NLGN4X: variants seen among roughly 807,000 people sequenced by gnomAD.
NLGN4X encodes the protein neuroligin-4, X-linked.
A neutral mutation model predicts 40.3 loss-of-function variants in NLGN4X; 3 were observed. That is an observed-to-expected ratio of 0.07 (90% CI 0.03 to 0.19). NLGN4X has a LOEUF of 0.19. Among genes scored for constraint, NLGN4X ranks in the 10% least tolerant of loss-of-function variants. NLGN4X has a pLI of 1.00. For synonymous variants in NLGN4X, 270 were observed against 306.8 expected, an observed-to-expected ratio of 0.88 and a Z score of 1.25; for missense variants, 382 against 708.3, an observed-to-expected ratio of 0.54 and a Z score of 5.23.
At position 6,095,167 on chromosome X, in the gene NLGN4X, C is replaced by T. The variant is rs146318234; in HGVS notation, c.472+55828G>A. Among the ~76,000 whole-genome samples the T allele has an allele frequency of 2.8e-4, 29 of 103,582 alleles. No individual in the cohort carries two copies. The East Asian group carries it at 7.6e-3, about 27-fold the overall frequency. The allele number at this position is 103,582 out of a possible 115,157, so 89.9% of individuals were successfully genotyped here. A position where few individuals can be genotyped will look rare whatever the true frequency, so the allele number is the denominator to read the frequency against. ...TGTGTGTGTAATTATGGCAATGTTG[C>T]TAAGTGCATAAATATGCGCTCTGAA... is the stretch of plus-strand genomic sequence containing the variant. On this transcript the variant is annotated intron_variant, in intron 2 of 5. Transcript: ENST00000381095.
chrX:6,110,938 T>C lies in NLGN4X; in HGVS notation c.472+40057A>G, dbSNP rs145730954. On this transcript the variant is annotated intron_variant, in intron 2 of 5. Transcript: ENST00000381095. ...GCATTAGAAGTGACAGGTGCGTTAC[T>C]GAAAGCTGAAGCCCTTAGAGGTGGT... 5.1e-3 allele frequency among the ~76,000 whole-genome samples: 567 copies of C among 111,601 alleles called. 7 individuals carry two copies. Among genetic ancestry groups the C allele is most frequent in the African/African-American group, 0.018 (543 of 30,689 alleles).
At position 6,032,837 on chromosome X, in the gene NLGN4X, G is replaced by A. The variant is rs972709083; in HGVS notation, c.473-3405C>T. On this transcript the variant is annotated intron_variant, in intron 2 of 5. Transcript: ENST00000381095. ...CAAAAAATTCAGAAAAGAGAGAGAT[G>A]CTACCCAGAAAAAGAAAAAAAGAAA... 3.3e-5 allele frequency: 17 copies of A among 519,131 alleles called. No individual in the cohort carries two copies. The Middle Eastern group carries it at 1.2e-3, about 36-fold the overall frequency. 42.8% of individuals were successfully genotyped at this position (519,131 alleles called of 1,213,427 possible). A position where few individuals can be genotyped will look rare whatever the true frequency, so the allele number is the denominator to read the frequency against.
At chrX:6,016,898 T>C (rs746783877) in intron 3 of NLGN4X, among the ~76,000 whole-genome samples, 1 of 112,160 alleles carries the variant, frequency 8.9e-6, no homozygotes, top group South Asian at 3.7e-4. Flanking sequence ...TTAATTTACA[T>C]GAAATGCCCC....
intron 1 of NLGN4X, among the ~76,000 whole-genome samples, chrX:6,169,793 G>A (rs1283196475): frequency 8.9e-6 from 1 of 111,773 alleles, no homozygotes; most frequent in African/African-American, 3.3e-5. Context: ...TTCCACACAC[G>A]AGAACATTCT....
At chrX:6,023,052 A>G (rs1256831223) in intron 3 of NLGN4X, among the ~76,000 whole-genome samples, 1 of 111,863 alleles carries the variant, frequency 8.9e-6, no homozygotes, top group Non-Finnish European at 1.9e-5. Flanking sequence ...CCTCAGATGA[A>G]AATTTTCAGG....
rs3747334 is a variant in NLGN4X, at chrX:5,893,489, G to A, written c.1779C>T (p.Leu593=). 8 of 1,162,125 alleles carry A rather than the reference G, an allele frequency of 6.9e-6. No homozygotes were observed. The highest frequency in any genetic ancestry group is 2.4e-4 in the Middle Eastern group (1 of 4,245). The change falls in exon 6 of 6, where the codon CTC becomes CTT. Residue 593 remains leucine, a synonymous_variant. Transcript: ENST00000381095. ...RATKVAFWLE[L]VPHLHNLNEI... is the part of the protein sequence containing the mutation. ...CGTTCAAGTTGTGCAAATGAGGAACGAGTTCCAACCAGAAAGCCACTTTCG... is the reference window on the plus strand; with the variant it reads ...CGTTCAAGTTGTGCAAATGAGGAACAAGTTCCAACCAGAAAGCCACTTTCG...
At chrX:5,935,018 C>T (rs766999779) in intron 3 of NLGN4X, among the ~76,000 whole-genome samples, 3 of 111,992 alleles carry the variant, frequency 2.7e-5, no homozygotes, top group Non-Finnish European at 5.6e-5. Context: ...TGTTCTCTTA[C>T]TCTTTCTACA....
intron 3 of NLGN4X, among the ~76,000 whole-genome samples, chrX:5,938,704 T>C (rs1460312006): frequency 9.0e-6 from 1 of 111,339 alleles, no homozygotes; most frequent in Non-Finnish European, 1.9e-5. Context: ...GTATTAGGTT[T>C]AGAGTTAGAA....
chrX:5,955,807 A>C (rs1175822728), intron 3 of NLGN4X, among the ~76,000 whole-genome samples: 4 of 55,472 alleles, frequency 7.2e-5, no homozygotes, highest in Non-Finnish European at 9.5e-5. Flanking sequence ...AAGGAGAAAC[A>C]ACCACACTAA....
chrX:6,000,580 TG>T (rs1004249550), intron 3 of NLGN4X, among the ~76,000 whole-genome samples: 12 of 111,298 alleles, frequency 1.1e-4, no homozygotes, highest in Non-Finnish European at 2.3e-4. Context: ...AAAAAAATCA[TG>T]GAACAACAAC....
rs185197535 is a variant in NLGN4X, at chrX:6,036,992, G to A, written c.473-7560C>T. Among the ~76,000 whole-genome samples the A allele has an allele frequency of 5.2e-3, 574 of 111,203 alleles. 5 individuals are homozygous for A. The highest frequency in any genetic ancestry group is 0.018 in the African/African-American group (553 of 30,597). On this transcript the variant is annotated intron_variant, in intron 2 of 5. Coordinates refer to ENST00000381095, the MANE Select transcript of NLGN4X (RefSeq NM_181332.3). The stretch of plus-strand genomic sequence containing the variant: ...TATTTAAAATAGCACTTTATGTTAT[G>A]AATGTAAGAGAAAAACTTTGTAAAG...
chrX:5,891,173 G>T lies in NLGN4X; in HGVS notation c.*1644C>A. 4.3e-6 allele frequency: 1 copy of T among 233,299 alleles called. No homozygotes were observed. Among genetic ancestry groups the T allele is most frequent in the Admixed American group, 6.0e-5 (1 of 16,610 alleles). The allele number at this position is 233,299 out of a possible 1,213,427, so 19.2% of individuals were successfully genotyped here. A position where few individuals can be genotyped will look rare whatever the true frequency, so the allele number is the denominator to read the frequency against. Reference sequence around the variant, plus strand: ...GAAATGAAAAAATGACAAGCTGTTGGAAAGACAAATCTCTGATCCCTAGGT... The same window carrying T: ...GAAATGAAAAAATGACAAGCTGTTGTAAAGACAAATCTCTGATCCCTAGGT... On this transcript the variant is annotated 3_prime_UTR_variant, in exon 6 of 6. Coordinates refer to ENST00000381095, the MANE Select transcript of NLGN4X (RefSeq NM_181332.3).
intron 2 of NLGN4X, among the ~76,000 whole-genome samples, chrX:6,112,938 A>G (rs780207209): frequency 8.1e-5 from 9 of 110,919 alleles, no homozygotes; most frequent in Admixed American, 1.9e-4. Flanking sequence ...AATGTAATGA[A>G]AGTGGCACTT....
chrX:6,005,428 A>T (rs2036080187), intron 3 of NLGN4X, among the ~76,000 whole-genome samples: 1 of 111,537 alleles, frequency 9.0e-6, no homozygotes, highest in African/African-American at 3.3e-5. Flanking sequence ...TCTGAGTGGC[A>T]TTTAGCTTCC....
At chrX:6,194,181 T>C (rs908706935) in intron 1 of NLGN4X, among the ~76,000 whole-genome samples, 1 of 111,155 alleles carries the variant, frequency 9.0e-6, no homozygotes. Context: ...AGACCCTGTC[T>C]CCAAAAGATA....
intron 2 of NLGN4X, among the ~76,000 whole-genome samples, chrX:6,037,148 T>C (rs1371098308): frequency 2.8e-5 from 3 of 108,944 alleles, no homozygotes; most frequent in Non-Finnish European, 3.8e-5. Context: ...GTATGAAAAT[T>C]ACAAAAAATT....
chrX:6,198,678 CAGA>C (rs200725705), intron 1 of NLGN4X, among the ~76,000 whole-genome samples: 1,147 of 111,634 alleles, frequency 0.01, 12 homozygotes, highest in African/African-American at 0.033. Context: ...GAAAAAGCTT[CAGA>C]AGATGTCCTC....
intron 3 of NLGN4X, among the ~76,000 whole-genome samples, chrX:6,003,762 T>C (rs67281336): frequency 0.094 from 10,471 of 111,721 alleles, 937 homozygotes; most frequent in African/African-American, 0.27. Context: ...GGCTGTCACA[T>C]TGACCCTCCA....
rs183689847 is a variant in NLGN4X at position 6,177,165 on chromosome X, T to G, written c.-305-25394A>C. 3.5e-3 allele frequency among the ~76,000 whole-genome samples: 393 copies of G among 111,967 alleles called. 1 individual carries two copies. The highest frequency in any genetic ancestry group is 5.2e-3 in the Non-Finnish European group (276 of 53,166). ...TATCCATCATTGCTTTTTGTTTGAT[T>G]GTTTTGTTTTTGAGACAGAGTCTCA... On this transcript the variant is annotated intron_variant, in intron 1 of 5. Coordinates refer to ENST00000381095, the MANE Select transcript of NLGN4X (RefSeq NM_181332.3).
Sources: allele counts gnomAD v4.1 joint callset (sites outside exome capture counted in the v4.1 genomes callset), GRCh38; gene constraint gnomAD v4.1.1; transcripts MANE v1.5; gene names NCBI Gene and HGNC (gene_info 2026-07-23, HGNC 2026-07-21).